Variants in FAM171A1 observed in about 807,000 individuals in gnomAD.
FAM171A1 encodes the protein protein FAM171A1.
Under a neutral mutation model 74.9 loss-of-function variants are expected in FAM171A1, and 23 were observed. That is an observed-to-expected ratio of 0.31 (90% CI 0.22 to 0.44). FAM171A1 has a LOEUF of 0.44. Ranked by LOEUF, FAM171A1 falls within the 20% of genes least tolerant of loss-of-function variation. The probability of loss-of-function intolerance (pLI) is 1.00; values close to 1 mark genes in which losing one functional copy is unlikely to be tolerated. For missense variants in FAM171A1, 1,162 were observed against 1,159.2 expected (o/e 1.00, Z -0.03); for synonymous variants, 527 against 505.7 (o/e 1.04, Z -0.57).
chr10:15,354,019 T>C (rs746588934), intron 1 of FAM171A1, among the ~76,000 whole-genome samples: 11 of 152,212 alleles, frequency 7.2e-5, no homozygotes, highest in Non-Finnish European at 1.6e-4. Flanking sequence ...TCAGAATGAA[T>C]GTCATCAACG....
chr10:15,344,464 G>A (rs567526423), intron 1 of FAM171A1, among the ~76,000 whole-genome samples: 120 of 152,218 alleles, frequency 7.9e-4, no homozygotes, highest in Non-Finnish European at 1.4e-3. Flanking sequence ...TGGGAGGATC[G>A]CTTGAGCCCA....
chr10:15,372,596 G>A (rs1394889594), upstream of FAM171A1, among the ~76,000 whole-genome samples: 1 of 150,914 alleles, frequency 6.6e-6, no homozygotes, highest in South Asian at 2.1e-4. Context: ...TACTCAGGAG[G>A]CTGAGGTGGG....
intron 1 of FAM171A1, among the ~76,000 whole-genome samples, chr10:15,306,056 G>C (rs957257298): frequency 6.6e-6 from 1 of 152,180 alleles, no homozygotes; most frequent in Non-Finnish European, 1.5e-5. Flanking sequence ...CACAAATAGA[G>C]CATGATCCAT....
intron 5 of FAM171A1, among the ~76,000 whole-genome samples, chr10:15,230,777 C>G (rs9423935): frequency 0.88 from 133,458 of 152,216 alleles, 58,983 homozygotes; most frequent in East Asian, 1. Flanking sequence ...GATAGCTAGA[C>G]GTATTAGGAT....
intron 3 of FAM171A1, among the ~76,000 whole-genome samples, chr10:15,263,366 C>T (rs1397736735): frequency 1.3e-5 from 2 of 152,204 alleles, no homozygotes; most frequent in Admixed American, 1.3e-4. Flanking sequence ...TACCAAACCC[C>T]TCCCCACAAG....
chr10:15,232,673 C>T (rs1834222836), intron 5 of FAM171A1, among the ~76,000 whole-genome samples: 1 of 152,158 alleles, frequency 6.6e-6, no homozygotes, highest in Non-Finnish European at 1.5e-5. Flanking sequence ...CATCTGGAAA[C>T]AGGTGGTTGT....
chr10:15,224,163 G>A (rs1201653786), intron 5 of FAM171A1, among the ~76,000 whole-genome samples: 1 of 152,120 alleles, frequency 6.6e-6, no homozygotes, highest in African/African-American at 2.4e-5. Flanking sequence ...TGATGAACAG[G>A]CAGGGGTTGT....
At position 15,298,120 on chromosome 10, in the gene FAM171A1, C is replaced by CT. The variant is rs923640789; in HGVS notation, c.98-14016dup. On this transcript the variant is annotated intron_variant, in intron 1 of 7. Coordinates refer to ENST00000378116, the MANE Select transcript of FAM171A1 (RefSeq NM_001010924.2). ...ATTTGACAGCAAAACTCCCAATCTT[C>CT]TTTTTTTTTTTCTTTTTCTTTTTTG... Among the ~76,000 whole-genome samples, 372 of 147,254 alleles carry CT rather than the reference C, an allele frequency of 2.5e-3. 2 individuals carry two copies. Among genetic ancestry groups the CT allele is most frequent in the African/African-American group, 7.5e-3 (304 of 40,288 alleles).
chr10:15,266,526 A>C (rs1834743435), intron 3 of FAM171A1, among the ~76,000 whole-genome samples: 2 of 152,112 alleles, frequency 1.3e-5, no homozygotes, highest in East Asian at 3.9e-4. Context: ...CAGGTGGAAA[A>C]CAGAAACTGA....
At chr10:15,354,653 A>G (rs2131883296) in intron 1 of FAM171A1, among the ~76,000 whole-genome samples, 1 of 152,344 alleles carries the variant, frequency 6.6e-6, no homozygotes, top group African/African-American at 2.4e-5. Context: ...GAGAAGAAAC[A>G]GGCTGGGCTG....
chr10:15,339,903 A>C (rs1197607782), intron 1 of FAM171A1, among the ~76,000 whole-genome samples: 1 of 152,178 alleles, frequency 6.6e-6, no homozygotes, highest in South Asian at 2.1e-4. Flanking sequence ...GTGGCAGACA[A>C]GAGAGAATGA....
At chr10:15,259,024 C>A (rs1165841904) in intron 3 of FAM171A1, among the ~76,000 whole-genome samples, 1 of 152,184 alleles carries the variant, frequency 6.6e-6, no homozygotes, top group Non-Finnish European at 1.5e-5. Flanking sequence ...TACCCAGATG[C>A]CCATCTGTCA....
At chr10:15,288,979 C>T (rs181995754) in intron 1 of FAM171A1, among the ~76,000 whole-genome samples, 20 of 152,156 alleles carry the variant, frequency 1.3e-4, no homozygotes, top group African/African-American at 4.1e-4. Context: ...TGCGCCATCA[C>T]GCGTGGCTAC....
chr10:15,341,060 A>G (rs1175790000), intron 1 of FAM171A1, among the ~76,000 whole-genome samples: 1 of 152,246 alleles, frequency 6.6e-6, no homozygotes, highest in Non-Finnish European at 1.5e-5. Flanking sequence ...CAGCACACCT[A>G]CAAGTGATAG....
At chr10:15,342,612 C>T (rs1363432458) in intron 1 of FAM171A1, among the ~76,000 whole-genome samples, 1 of 152,146 alleles carries the variant, frequency 6.6e-6, no homozygotes, top group Admixed American at 6.5e-5. Flanking sequence ...GGTGTTGCTG[C>T]AACAGGCTTC....
intron 7 of FAM171A1, among the ~76,000 whole-genome samples, chr10:15,215,573 C>G (rs1169967986): frequency 6.6e-6 from 1 of 152,122 alleles, no homozygotes; most frequent in Non-Finnish European, 1.5e-5. Context: ...ACCACGTTGG[C>G]TAGGCTGGTC....
chr10:15,285,681 C>G (rs1169866397), intron 1 of FAM171A1, among the ~76,000 whole-genome samples: 1 of 152,166 alleles, frequency 6.6e-6, no homozygotes, highest in Non-Finnish European at 1.5e-5. Flanking sequence ...TTGCAGGCAC[C>G]ACATGCCATG....
intron 1 of FAM171A1, among the ~76,000 whole-genome samples, chr10:15,303,228 T>G (rs959866650): frequency 6.6e-6 from 1 of 152,080 alleles, no homozygotes; most frequent in Non-Finnish European, 1.5e-5. Context: ...TTTATGAAAT[T>G]TATGAAATAT....
At chr10:15,305,469 G>C (rs968100996) in intron 1 of FAM171A1, among the ~76,000 whole-genome samples, 2 of 151,990 alleles carry the variant, frequency 1.3e-5, no homozygotes, top group African/African-American at 4.8e-5. Context: ...TTGAGGCCAG[G>C]AGTTCAAGAC....
Sources: gnomAD v4.1 joint callset for allele counts (sites outside exome capture counted in the v4.1 genomes callset) on GRCh38, gnomAD v4.1.1 for gene constraint, MANE v1.5 for transcripts, NCBI Gene and HGNC (gene_info 2026-07-23, HGNC 2026-07-21) for gene names.